Variants in FBXL13 observed in about 807,000 individuals in gnomAD.
FBXL13 encodes F-box and leucine-rich repeat protein 13.
In FBXL13, 67 loss-of-function variants were observed where a neutral mutation model predicts 83.6. That is an observed-to-expected ratio of 0.80 (90% CI 0.66 to 0.98). FBXL13 has a LOEUF of 0.98. Among genes scored for constraint, FBXL13 ranks in the 50% least tolerant of loss-of-function variants. The probability of loss-of-function intolerance (pLI) is 0.00; values close to 1 mark genes in which losing one functional copy is unlikely to be tolerated. For missense variants in FBXL13, 822 were observed against 866.5 expected (o/e 0.95, Z 0.64); for synonymous variants, 272 against 299.5 (o/e 0.91, Z 0.95).
chr7:103,031,787 A>G (rs10808120), intron 2 of FBXL13, among the ~76,000 whole-genome samples: 53,346 of 152,112 alleles, frequency 0.35, 9,842 homozygotes, highest in East Asian at 0.59. Flanking sequence ...AATTCGTTGC[A>G]AAAGATTTTT....
chr7:103,048,691 T>A (rs1232251679), intron 2 of FBXL13, among the ~76,000 whole-genome samples: 1 of 152,232 alleles, frequency 6.6e-6, no homozygotes, highest in Non-Finnish European at 1.5e-5. Flanking sequence ...TTTATTTCAA[T>A]GTTCAATTTA....
intron 6 of FBXL13, among the ~76,000 whole-genome samples, chr7:103,024,498 A>G (rs548098806): frequency 7.1e-6 from 1 of 140,230 alleles, no homozygotes; most frequent in Non-Finnish European, 1.5e-5. Flanking sequence ...ATGCACTTCC[A>G]GCCTGGGCAA....
intron 16 of FBXL13, among the ~76,000 whole-genome samples, chr7:102,861,453 C>T (rs1806822403): frequency 2.6e-5 from 4 of 151,886 alleles, no homozygotes; most frequent in African/African-American, 9.7e-5. Flanking sequence ...TTATAGCATC[C>T]CATTGGGAGG....
chr7:102,933,898 C>A, intron 8 of FBXL13: 1 of 1,579,372 alleles, frequency 6.3e-7, no homozygotes, highest in Non-Finnish European at 8.6e-7. Flanking sequence ...GTAATTGGGG[C>A]CAGCTGGATG....
intron 19 of FBXL13, among the ~76,000 whole-genome samples, chr7:102,821,326 T>C (rs2129445553): frequency 6.6e-6 from 1 of 152,246 alleles, no homozygotes; most frequent in South Asian, 2.1e-4. Flanking sequence ...CTGGGCCCAG[T>C]GGGAATGTCT....
At chr7:102,962,202 A>C (rs1448489655) in intron 8 of FBXL13, among the ~76,000 whole-genome samples, 2 of 151,814 alleles carry the variant, frequency 1.3e-5, no homozygotes, top group African/African-American at 4.8e-5. Context: ...TCTCAAAAGA[A>C]GACATTTATG....
chr7:102,844,805 T>C (rs1023436819), intron 17 of FBXL13, among the ~76,000 whole-genome samples: 9 of 152,210 alleles, frequency 5.9e-5, no homozygotes, highest in African/African-American at 1.7e-4. Context: ...AGGTTGTCAC[T>C]TGGACTTCTG....
chr7:102,816,884 T>A (rs1309326039), intron 19 of FBXL13, among the ~76,000 whole-genome samples: 1 of 152,228 alleles, frequency 6.6e-6, no homozygotes, highest in Non-Finnish European at 1.5e-5. Flanking sequence ...CTCTGTTAAT[T>A]CACTTAGGAT....
chr7:103,005,380 A>G (rs1585320994), intron 6 of FBXL13, among the ~76,000 whole-genome samples: 1 of 152,226 alleles, frequency 6.6e-6, no homozygotes, highest in Non-Finnish European at 1.5e-5. Context: ...ATATTTTCTC[A>G]GTGAACAAGG....
chr7:102,826,591 C>T (rs2129446408), intron 18 of FBXL13, among the ~76,000 whole-genome samples: 2 of 150,340 alleles, frequency 1.3e-5, no homozygotes, highest in Admixed American at 1.3e-4. Flanking sequence ...CAAAAATTAG[C>T]TGGGTATGCT....
At chr7:102,893,422 AC>A (rs1811778851) in intron 11 of FBXL13, among the ~76,000 whole-genome samples, 1 of 152,216 alleles carries the variant, frequency 6.6e-6, no homozygotes, top group South Asian at 2.1e-4. Context: ...CTCCAAGGTT[AC>A]ACAACTGGTT....
At chr7:102,977,967 C>G (rs7798582) in intron 6 of FBXL13, among the ~76,000 whole-genome samples, 5 of 151,748 alleles carry the variant, frequency 3.3e-5, no homozygotes, top group African/African-American at 1.2e-4. Flanking sequence ...GGAGAGGGGA[C>G]GGATAGCATT....
At chr7:102,926,974 A>G (rs1818261246) in intron 9 of FBXL13, among the ~76,000 whole-genome samples, 1 of 152,204 alleles carries the variant, frequency 6.6e-6, no homozygotes, top group Admixed American at 6.5e-5. Flanking sequence ...GTTGGGCAGG[A>G]GATTCAATGC....
At chr7:102,984,796 C>T (rs1318031136) in intron 6 of FBXL13, among the ~76,000 whole-genome samples, 2 of 152,174 alleles carry the variant, frequency 1.3e-5, no homozygotes, top group Non-Finnish European at 2.9e-5. Flanking sequence ...GGGAATCTAA[C>T]TGCATACCAT....
chr7:102,826,759 A>C (rs200213777), intron 18 of FBXL13, among the ~76,000 whole-genome samples: 1 of 111,534 alleles, frequency 9.0e-6, no homozygotes, highest in East Asian at 2.6e-4. Flanking sequence ...ATATATATAT[A>C]TATATATATA....
chr7:103,014,649 C>T lies in FBXL13; in HGVS notation c.495+10414G>A, dbSNP rs370977930. On this transcript the variant is annotated intron_variant, in intron 6 of 19. Transcript: ENST00000313221. ...GAAAATACTAGCAAACTGGGCCGGGCGCGGTGGCTCACGCCTGTACTCCCA... is the reference window on the plus strand; with the variant it reads ...GAAAATACTAGCAAACTGGGCCGGGTGCGGTGGCTCACGCCTGTACTCCCA... Among the ~76,000 whole-genome samples the T allele has an allele frequency of 5.9e-5, 9 of 152,114 alleles. No homozygotes were observed. The East Asian group carries it at 1.4e-3, about 23-fold the overall frequency.
chr7:102,849,751 G>C lies in FBXL13; in HGVS notation c.1719+5026C>G, dbSNP rs75178290. The stretch of plus-strand genomic sequence containing the variant: ...TTGGGCTGGAGGAGGCAAGGGGAAA[G>C]ATTACCACATGCCCAGAAGTATGAA... On this transcript the variant is annotated intron_variant, in intron 17 of 19. Coordinates refer to ENST00000313221, the Ensembl canonical transcript of FBXL13. Among the ~76,000 whole-genome samples the C allele has an allele frequency of 0.014, 2,134 of 152,290 alleles. 115 individuals are homozygous for C. The East Asian group carries it at 0.16, about 11-fold the overall frequency.
At chr7:102,924,016 G>A (rs955533817) in intron 10 of FBXL13, among the ~76,000 whole-genome samples, 2 of 151,982 alleles carry the variant, frequency 1.3e-5, no homozygotes, top group African/African-American at 4.8e-5. Flanking sequence ...AAGGAGGGTG[G>A]ATCATCTAAG....
intron 16 of FBXL13, among the ~76,000 whole-genome samples, chr7:102,871,954 C>T (rs1363352761): frequency 6.6e-6 from 1 of 152,110 alleles, no homozygotes; most frequent in African/African-American, 2.4e-5. Flanking sequence ...AGTCTGTCCC[C>T]CAGAGAACAA....
Sources: gnomAD v4.1 joint callset for allele counts (sites outside exome capture counted in the v4.1 genomes callset) on GRCh38, gnomAD v4.1.1 for gene constraint, MANE v1.5 for transcripts, NCBI Gene and HGNC (gene_info 2026-07-23, HGNC 2026-07-21) for gene names.